Variants in PRPF6 observed in about 807,000 individuals in gnomAD.
PRPF6 encodes the protein pre-mRNA-processing factor 6.
Under a neutral mutation model 118.3 loss-of-function variants are expected in PRPF6, and 42 were observed. That is an observed-to-expected ratio of 0.35 (90% confidence interval 0.28 to 0.46). PRPF6 has a LOEUF of 0.46. PRPF6 is among the 20% of genes least tolerant of loss of function. The pLI, the probability that PRPF6 is intolerant of heterozygous loss-of-function variation, is 1.00. For synonymous variants in PRPF6, 481 were observed against 485.1 expected (o/e 0.99, Z 0.11); for missense variants, 662 against 1,255.7 (o/e 0.53, Z 7.15).
At chr20:64,032,170 C>T in intron 20 of PRPF6, 126 bp downstream of exon 20, 1 of 1,461,188 alleles carries the variant, frequency 6.8e-7, no homozygotes, top group Non-Finnish European at 9.4e-7. Flanking sequence ...GGAGGATGGA[C>T]CGGGTGTGTG....
chr20:63,987,196 G>A (rs1015575963), intron 3 of PRPF6, among the ~76,000 whole-genome samples: 1 of 149,722 alleles, frequency 6.7e-6, no homozygotes, highest in Admixed American at 6.7e-5. Context: ...AAAAGGGGGG[G>A]GGAGCATAAC....
rs879156110 is a variant in PRPF6 at position 63,981,173 on chromosome 20, C to T, written c.-73C>T. ...TACGGAGTGCATCGGACGTCGAAGCCTAGAGTCTCTGCGTCTTTCCCTCTT... is the reference window on the plus strand; with the variant it reads ...TACGGAGTGCATCGGACGTCGAAGCTTAGAGTCTCTGCGTCTTTCCCTCTT... On this transcript the variant is annotated 5_prime_UTR_variant, in exon 1 of 21. Transcript: ENST00000266079. The T allele has an allele frequency of 2.0e-5, 30 of 1,485,474 alleles. No individual in the cohort carries two copies. In the South Asian group the frequency reaches 3.0e-4, roughly 15 times the overall value. 92.0% of individuals were successfully genotyped at this position (1,485,474 alleles called of 1,614,324 possible).
rs896533347 is a variant in PRPF6 at position 64,029,599 on chromosome 20, T to C, written c.2546+108T>C. The C allele has an allele frequency of 3.0e-6, 3 of 1,016,672 alleles. No individual in the cohort carries two copies. In the African/African-American group the frequency reaches 4.8e-5, roughly 16 times the overall value. 63.0% of individuals were successfully genotyped at this position (1,016,672 alleles called of 1,614,324 possible). ...ATTGTAAAGATGCCCGGCAGCAGGG[T>C]GGGCTTCCCCGATCCTCGGCTGCCG... is the stretch of plus-strand genomic sequence containing the variant. On this transcript the variant is annotated intron_variant, in intron 19 of 20. Coordinates refer to ENST00000266079, the MANE Select transcript of PRPF6 (RefSeq NM_012469.4). The surrounding 1 kb of genome is among the most constrained non-coding windows in gnomAD (Gnocchi z 4.8).
At chr20:64,016,545 C>G (rs1252707828) in intron 11 of PRPF6, among the ~76,000 whole-genome samples, 178 bp from the exon 12 acceptor site, 2 of 152,160 alleles carry the variant, frequency 1.3e-5, no homozygotes, top group African/African-American at 4.8e-5. Context: ...TGACATTTCT[C>G]TATTGTTTTT....
rs2059295355 is a variant in PRPF6, at chr20:64,027,307, C to T, written c.2205+149C>T. Reference sequence around the variant, plus strand: ...GGAGCTGCAGACTCAGGACCCAAACCCTGGTCCCCTCGCTGAGTTCTGTGC... The same window carrying T: ...GGAGCTGCAGACTCAGGACCCAAACTCTGGTCCCCTCGCTGAGTTCTGTGC... On this transcript the variant is annotated intron_variant, in intron 16 of 20. Coordinates refer to ENST00000266079, the MANE Select transcript of PRPF6 (RefSeq NM_012469.4). This position sits in a 1 kb window ranked among gnomAD's most constrained non-coding sequence, Gnocchi z 6.5. The T allele has an allele frequency of 1.8e-6, 2 of 1,105,840 alleles. No individual in the cohort carries two copies. Among genetic ancestry groups the T allele is most frequent in the Admixed American group, 2.1e-5 (1 of 48,508 alleles). 68.5% of individuals were successfully genotyped at this position (1,105,840 alleles called of 1,614,324 possible).
chr20:63,983,296 A>G lies in PRPF6; in HGVS notation c.240+81A>G, dbSNP rs957075024. 6.4e-6 allele frequency: 10 copies of G among 1,561,338 alleles called. No homozygotes were observed. The African/African-American group carries it at 1.4e-4, about 21-fold the overall frequency. On this transcript the variant is annotated intron_variant, in intron 2 of 20. Transcript: ENST00000266079. ...CTAACCAGTGTGTGTTGGTGTCTGT[A>G]ATGAATGGCTTGGAGTGGCTCATGC... is the stretch of plus-strand genomic sequence containing the variant.
chr20:64,008,862 G>A (rs2059202003), intron 9 of PRPF6, among the ~76,000 whole-genome samples: 3 of 152,154 alleles, frequency 2.0e-5, no homozygotes, highest in Non-Finnish European at 4.4e-5. Context: ...ATACATTGCA[G>A]GTAATATTCT....
At chr20:63,999,956 T>C (rs1316644119) in intron 8 of PRPF6, among the ~76,000 whole-genome samples, 197 bp downstream of exon 8, 1 of 26,006 alleles carries the variant, frequency 3.8e-5, no homozygotes, top group Non-Finnish European at 7.0e-5. Context: ...AATCCACCAC[T>C]TTTTTTTTTT....
chr20:64,028,619 G>A lies in PRPF6; in HGVS notation c.2431+50G>A, dbSNP rs199871443. 3.8e-5 allele frequency: 60 copies of A among 1,596,526 alleles called. No homozygotes were observed. In the East Asian group the frequency reaches 1.3e-3, roughly 34 times the overall value. The stretch of plus-strand genomic sequence containing the variant: ...AAGGGGGTGCCCTGACTCCGGTAAG[G>A]GGGTGCCTTGACTCCGGTAAGGGGG... On this transcript the variant is annotated intron_variant, in intron 18 of 20. Coordinates refer to ENST00000266079, the MANE Select transcript of PRPF6 (RefSeq NM_012469.4). This position sits in a 1 kb window ranked among gnomAD's most constrained non-coding sequence, Gnocchi z 6.5.
chr20:64,002,154 G>T (rs1215658702), intron 9 of PRPF6, among the ~76,000 whole-genome samples: 1 of 150,644 alleles, frequency 6.6e-6, no homozygotes, highest in Non-Finnish European at 1.5e-5. Flanking sequence ...GAGTAGCTGG[G>T]ACTACAGGCG....
intron 3 of PRPF6, among the ~76,000 whole-genome samples, chr20:63,990,352 C>T (rs1471856593): frequency 1.3e-5 from 2 of 152,172 alleles, no homozygotes; most frequent in African/African-American, 4.8e-5. Context: ...TCCCAGAGTG[C>T]TGGGATTACA....
At chr20:63,993,287 T>TA in intron 3 of PRPF6, 120 bp from the exon 4 acceptor site, 12 of 530,022 alleles carry the variant, frequency 2.3e-5, no homozygotes, top group South Asian at 5.0e-5. Context: ...TATATATATA[T>TA]TTGATTTAGC....
intron 9 of PRPF6, among the ~76,000 whole-genome samples, chr20:64,004,190 G>A (rs957508973): frequency 3.3e-5 from 5 of 152,284 alleles, no homozygotes; most frequent in East Asian, 3.9e-4. Context: ...TGTTGGAGGC[G>A]GGGGCCTTCG....
At chr20:63,999,579 C>A in intron 7 of PRPF6, 24 bp from the exon 8 acceptor site, 1 of 1,613,570 alleles carries the variant, frequency 6.2e-7, no homozygotes, top group South Asian at 1.1e-5. Flanking sequence ...TGGCCTGATG[C>A]CGTGTGCACT....
intron 12 of PRPF6, 37 bp downstream of exon 12, chr20:64,016,882 A>T: frequency 6.2e-7 from 1 of 1,612,640 alleles, no homozygotes; most frequent in Non-Finnish European, 8.5e-7. Context: ...CGTAATATGG[A>T]GTCTCTGCTT....
chr20:63,998,984 T>G, intron 6 of PRPF6, 61 bp from the exon 7 acceptor site: 2 of 1,291,118 alleles, frequency 1.5e-6, no homozygotes, highest in Non-Finnish European at 2.2e-6. Context: ...AGGGACCCTC[T>G]GAGAACTTTG....
chr20:63,998,613 G>A (rs1036388809), intron 6 of PRPF6, among the ~76,000 whole-genome samples: 34 of 149,702 alleles, frequency 2.3e-4, no homozygotes, highest in Admixed American at 5.4e-4. Context: ...AGGCCGAGGC[G>A]GGCGGATCAC....
At chr20:64,032,451 G>C (rs12624642) in intron 20 of PRPF6, among the ~76,000 whole-genome samples, 46,041 of 151,840 alleles carry the variant, frequency 0.3, 7,222 homozygotes, top group East Asian at 0.54. Context: ...CACCCGCCCC[G>C]CTAGAGCCAA....
intron 5 of PRPF6, 102 bp from the exon 6 acceptor site, chr20:63,995,225 T>C (rs1437020356): frequency 3.2e-6 from 5 of 1,573,202 alleles, no homozygotes; most frequent in Middle Eastern, 1.7e-4. Flanking sequence ...TGCACAGCTG[T>C]GCATATGTCA....
Sources: allele counts gnomAD v4.1 joint callset (sites outside exome capture counted in the v4.1 genomes callset), GRCh38; gene constraint gnomAD v4.1.1; non-coding constraint Gnocchi (gnomAD v3.1); transcripts MANE v1.5; gene names NCBI Gene and HGNC (gene_info 2026-07-23, HGNC 2026-07-21).